The following LRFN2 variants were observed in gnomAD, a reference collection of about 807,000 sequenced individuals.
The protein encoded by LRFN2 is leucine-rich repeat and fibronectin type-III domain-containing protein 2.
LRFN2 carries 18 observed loss-of-function variants against 37.3 expected under a neutral mutation model. The observed-to-expected ratio is 0.48, with a 90% CI of 0.33 to 0.72. LRFN2 has a LOEUF of 0.72. Among genes scored for constraint, LRFN2 ranks in the 30% least tolerant of loss-of-function variants. LRFN2 has a pLI of 0.02. For missense variants in LRFN2, 1,006 were observed against 1,060.7 expected, an observed-to-expected ratio of 0.95 and a Z score of 0.72; for synonymous variants, 556 against 466.6, an observed-to-expected ratio of 1.19 and a Z score of -2.47.
At chr6:40,427,893 C>T (rs1763391061) in intron 2 of LRFN2, among the ~76,000 whole-genome samples, 1 of 152,232 alleles carries the variant, frequency 6.6e-6, no homozygotes, top group African/African-American at 2.4e-5. Flanking sequence ...TGACCCAGAA[C>T]TCATAGACGG....
At chr6:40,441,165 C>T (rs1312616461) in intron 1 of LRFN2, among the ~76,000 whole-genome samples, 1 of 152,196 alleles carries the variant, frequency 6.6e-6, no homozygotes, top group Non-Finnish European at 1.5e-5. Flanking sequence ...CATCTTCTAC[C>T]CAGGGTATTC....
rs7775772 is a variant in LRFN2, at chr6:40,431,707, T to G, written c.1400+7A>C. 6.6e-7 allele frequency: 1 copy of G among 1,503,770 alleles called. No individual in the cohort carries two copies. The highest frequency in any genetic ancestry group is 8.9e-7 in the Non-Finnish European group (1 of 1,126,278). The allele number at this position is 1,503,770 out of a possible 1,614,324, so 93.2% of individuals were successfully genotyped here. On this transcript the variant is annotated splice_region_variant and intron_variant, in intron 2 of 2. Transcript: ENST00000338305. ...CCTCCCTGCCTTTGCCACAGCCGCT[T>G]GCTCACCTGTAAATCAGTACCTCAT... is the stretch of plus-strand genomic sequence containing the variant.
intron 1 of LRFN2, among the ~76,000 whole-genome samples, chr6:40,550,317 A>T (rs1398378799): frequency 6.6e-6 from 1 of 152,186 alleles, no homozygotes; most frequent in Non-Finnish European, 1.5e-5. Context: ...TGCTGCAGTT[A>T]TTGGCACATG....
At chr6:40,402,652 C>T (rs1762764986) in intron 2 of LRFN2, among the ~76,000 whole-genome samples, 1 of 152,190 alleles carries the variant, frequency 6.6e-6, no homozygotes, top group African/African-American at 2.4e-5. Context: ...CTTGACTAAG[C>T]TCTCACAGAG....
In LRFN2 at chr6:40,392,680, T is replaced by C; in HGVS notation, c.1633A>G (p.Thr545Ala). ...ILVIGGIIVA[T>A]LLVFIVILMV... ...AGGATGACGATGAAGACCAGCAGCG[T>C]GGCCACGATGATGCCCCCGATGACC... The change falls in exon 3 of 3, where the codon ACG becomes GCG. Residue 545 changes from threonine (T) to alanine (A), a missense_variant. This residue lies in a region of LRFN2 where 120 missense variants were observed against 178.4 expected (regional missense o/e 0.67). Coordinates refer to ENST00000338305, the MANE Select transcript of LRFN2 (RefSeq NM_020737.3). This position sits in a 1 kb window ranked among gnomAD's most constrained non-coding sequence, Gnocchi z 4.7. 1 of 1,613,952 alleles carries C rather than the reference T, an allele frequency of 6.2e-7. No homozygotes were observed.
At chr6:40,455,191 C>T (rs1288826029) in intron 1 of LRFN2, among the ~76,000 whole-genome samples, 1 of 152,208 alleles carries the variant, frequency 6.6e-6, no homozygotes, top group Non-Finnish European at 1.5e-5. Flanking sequence ...TGGAGTCATG[C>T]TTTCCTCTCA....
At chr6:40,431,421 A>G (rs1213695558) in intron 2 of LRFN2, among the ~76,000 whole-genome samples, 1 of 152,214 alleles carries the variant, frequency 6.6e-6, no homozygotes, top group Non-Finnish European at 1.5e-5. Context: ...AGAACAGAAC[A>G]TTCATAAGCT....
intron 2 of LRFN2, among the ~76,000 whole-genome samples, chr6:40,397,800 G>C (rs971941558): frequency 1.3e-5 from 2 of 152,050 alleles, no homozygotes; most frequent in South Asian, 2.1e-4. Context: ...GAGGTGTTAC[G>C]TCTGCCTCAT....
chr6:40,442,133 C>CCT (rs1464880273), intron 1 of LRFN2, among the ~76,000 whole-genome samples: 1 of 152,168 alleles, frequency 6.6e-6, no homozygotes, highest in Admixed American at 6.5e-5. Context: ...CCTCCAAAGG[C>CCT]CTCACCCTTT....
intron 1 of LRFN2, among the ~76,000 whole-genome samples, chr6:40,571,907 G>A (rs956726794): frequency 2.9e-4 from 44 of 152,138 alleles, no homozygotes; most frequent in East Asian, 1.9e-4. Context: ...CCAGCCCCTC[G>A]CCTGCCCTCA....
chr6:40,423,013 T>G (rs561961905), intron 2 of LRFN2, among the ~76,000 whole-genome samples: 13 of 152,352 alleles, frequency 8.5e-5, no homozygotes, highest in African/African-American at 2.6e-4. Flanking sequence ...GAACAGATGC[T>G]CTGAAGCTTT....
At chr6:40,476,830 C>T (rs903978538) in intron 1 of LRFN2, among the ~76,000 whole-genome samples, 1 of 152,194 alleles carries the variant, frequency 6.6e-6, no homozygotes, top group East Asian at 1.9e-4. Flanking sequence ...TGTTGGTGGC[C>T]CAATGGACAT....
At chr6:40,562,344 T>A (rs1767013191) in intron 1 of LRFN2, among the ~76,000 whole-genome samples, 1 of 152,036 alleles carries the variant, frequency 6.6e-6, no homozygotes. Flanking sequence ...GAGGGGCACC[T>A]GTCTAATGCA....
chr6:40,483,405 C>T (rs1407817144), intron 1 of LRFN2, among the ~76,000 whole-genome samples: 4 of 152,162 alleles, frequency 2.6e-5, no homozygotes, highest in Admixed American at 6.5e-5. Context: ...GGGGTTCACC[C>T]GTGCTTCCTG....
chr6:40,444,811 CCT>C, intron 1 of LRFN2, among the ~76,000 whole-genome samples: 1 of 152,152 alleles, frequency 6.6e-6, no homozygotes, highest in East Asian at 1.9e-4. Flanking sequence ...GCACAGTCTC[CCT>C]CTCAGTCCTC....
chr6:40,433,105 G>A lies in LRFN2; in HGVS notation c.9C>T (p.Thr3=), dbSNP rs752795393. 2 of 1,520,010 alleles carry A rather than the reference G, an allele frequency of 1.3e-6. No individual in the cohort carries two copies. Among genetic ancestry groups the A allele is most frequent in the African/African-American group, 2.8e-5 (2 of 71,788 alleles). 94.2% of individuals were successfully genotyped at this position (1,520,010 alleles called of 1,614,324 possible). A position where few individuals can be genotyped will look rare whatever the true frequency, so the allele number is the denominator to read the frequency against. Residue 3 remains threonine, a synonymous_variant, in exon 2 of 3, where the codon ACC becomes ACT. Coordinates refer to ENST00000338305, the MANE Select transcript of LRFN2 (RefSeq NM_020737.3). ME[T]LLGGLLAFGM... ...CAAACGCTAGCAGGCCACCAAGCAG[G>A]GTCTCCATGGTCTGGTCACTCAGCG...
At chr6:40,547,992 T>A (rs1581789501) in intron 1 of LRFN2, among the ~76,000 whole-genome samples, 2 of 152,198 alleles carry the variant, frequency 1.3e-5, no homozygotes, top group African/African-American at 4.8e-5. Context: ...CTGAACAATA[T>A]GCAGCTTCAA....
intron 1 of LRFN2, among the ~76,000 whole-genome samples, chr6:40,545,464 G>C (rs1269381049): frequency 1.3e-5 from 2 of 152,208 alleles, no homozygotes; most frequent in African/African-American, 4.8e-5. Flanking sequence ...AACTGACTGA[G>C]TGATTTGTAT....
intron 1 of LRFN2, among the ~76,000 whole-genome samples, chr6:40,468,960 CA>C (rs1379173032): frequency 6.6e-6 from 1 of 152,140 alleles, no homozygotes; most frequent in Non-Finnish European, 1.5e-5. Flanking sequence ...GGAGGCCCCC[CA>C]AAAGGTATAT....
Sources: gnomAD v4.1 joint callset for allele counts (sites outside exome capture counted in the v4.1 genomes callset) on GRCh38, gnomAD v4.1.1 for gene constraint, gnomAD v4.1.1 regional missense constraint, Gnocchi (gnomAD v3.1) non-coding constraint, MANE v1.5 for transcripts, NCBI Gene and HGNC (gene_info 2026-07-23, HGNC 2026-07-21) for gene names.